LMAN2L: variants seen among roughly 807,000 people sequenced by gnomAD.
LMAN2L encodes the protein VIP36-like protein.
A neutral mutation model predicts 44.3 loss-of-function variants in LMAN2L; 30 were observed. That is an observed-to-expected ratio of 0.68 (90% CI 0.51 to 0.92). The LOEUF is 0.92. Ranked by LOEUF, LMAN2L falls within the 40% of genes least tolerant of loss-of-function variation. The probability of loss-of-function intolerance (pLI) is 0.00; values close to 1 mark genes in which losing one functional copy is unlikely to be tolerated. For missense variants in LMAN2L, 429 were observed against 446.1 expected (o/e 0.96, Z 0.35); for synonymous variants, 183 against 171.1 (o/e 1.07, Z -0.54).
intron 4 of LMAN2L, among the ~76,000 whole-genome samples, chr2:96,726,163 TTAA>T (rs553105774): frequency 1.5e-4 from 22 of 151,076 alleles, no homozygotes; most frequent in East Asian, 7.7e-4. Context: ...ATAAACCTTT[TTAA>T]TAATATTTTA....
At position 96,711,733 on chromosome 2, in the gene LMAN2L, T is replaced by C; in HGVS notation, c.707A>G (p.Asp236Gly). The C allele has an allele frequency of 6.2e-7, 1 of 1,614,012 alleles. No homozygotes were observed. The highest frequency in any genetic ancestry group is 1.7e-5 in the Admixed American group (1 of 60,012). Residue 236 changes from aspartate (D) to glycine (G), a missense_variant, in exon 6 of 8, where the codon GAC becomes GGC. Physicochemically the swap from Asp to Gly is moderately conservative, Grantham distance 94. Transcript: ENST00000264963. ...MDIDGKHEWRDCIEVPGVRLP... is the reference protein window; with the variant it reads ...MDIDGKHEWRGCIEVPGVRLP... ...GCGGACTCCGGGCACTTCAATGCAG[T>C]CCCTCCACTCATGCTTGCCATCAAT...
chr2:96,732,492 A>T (rs2078422634), intron 4 of LMAN2L, among the ~76,000 whole-genome samples: 1 of 151,652 alleles, frequency 6.6e-6, no homozygotes, highest in Non-Finnish European at 1.5e-5. Flanking sequence ...AAAAATACAA[A>T]AGTTAGCTGG....
Position 96,707,207 on chromosome 2 carries a change from T to C in LMAN2L, c.*49A>G. The C allele has an allele frequency of 6.3e-7, 1 of 1,595,100 alleles. No individual in the cohort carries two copies. The highest frequency in any genetic ancestry group is 1.3e-5 in the African/African-American group (1 of 74,576). ...GCATGCTCAGGCCAGTGCCTGCTCC[T>C]TCCATACCTCATGGGTGACAGTCAC... On this transcript the variant is annotated 3_prime_UTR_variant, in exon 8 of 8. Coordinates refer to ENST00000264963, the MANE Select transcript of LMAN2L (RefSeq NM_030805.4).
At chr2:96,733,694 C>A in intron 3 of LMAN2L, 93 bp from the exon 4 acceptor site, 1 of 977,602 alleles carries the variant, frequency 1.0e-6, no homozygotes, top group Non-Finnish European at 1.6e-6. Context: ...AAGTAAAATT[C>A]AAATGACTCC....
intron 4 of LMAN2L, among the ~76,000 whole-genome samples, chr2:96,721,363 T>G (rs1327030969): frequency 6.8e-6 from 1 of 145,988 alleles, no homozygotes; most frequent in Non-Finnish European, 1.5e-5. Context: ...GACAGGGTCT[T>G]GCTATGTCAC....
At chr2:96,718,795 AAGC>A (rs2078093336) in intron 4 of LMAN2L, among the ~76,000 whole-genome samples, 1 of 152,144 alleles carries the variant, frequency 6.6e-6, no homozygotes, top group African/African-American at 2.4e-5. Flanking sequence ...CTTGCTCTGT[AAGC>A]CCCCAGACTC....
At chr2:96,738,224 C>T (rs2078557292) in intron 1 of LMAN2L, among the ~76,000 whole-genome samples, 157 bp from the exon 2 acceptor site, 2 of 152,218 alleles carry the variant, frequency 1.3e-5, no homozygotes, top group Non-Finnish European at 2.9e-5. Flanking sequence ...ACCATCTCTA[C>T]AGCTTTCACA....
intron 2 of LMAN2L, among the ~76,000 whole-genome samples, chr2:96,735,121 C>A (rs1181965084): frequency 6.6e-6 from 1 of 152,194 alleles, no homozygotes; most frequent in Non-Finnish European, 1.5e-5. Context: ...TTACAGTCCC[C>A]AAACCCTCCC....
intron 4 of LMAN2L, among the ~76,000 whole-genome samples, chr2:96,729,860 A>G (rs560889618): frequency 9.2e-4 from 140 of 152,284 alleles, no homozygotes; most frequent in African/African-American, 3.0e-3. Flanking sequence ...AGGGTTCTCA[A>G]CCTCGGCTAT....
In LMAN2L at chr2:96,737,950, A is replaced by G. The variant is rs760991471; in HGVS notation, c.305T>C (p.Val102Ala). Reference protein sequence around the residue: ...QSKQGALWNRVPCFLRDWELQ... With the variant: ...QSKQGALWNRAPCFLRDWELQ... ...CACAGGAGGGAGAAAGATTCTTACC[A>G]CCCGGTTCCACAAGGCACCCTGTTT... Residue 102 changes from valine to alanine, a missense_variant and splice_region_variant, in exon 2 of 8, where the codon GTG becomes GCG. Val to Ala is a moderately conservative substitution (Grantham distance 64, BLOSUM62 0). Transcript: ENST00000264963. The G allele has an allele frequency of 6.2e-7, 1 of 1,603,350 alleles. No homozygotes were observed. Among genetic ancestry groups the G allele is most frequent in the Non-Finnish European group, 8.5e-7 (1 of 1,170,316 alleles).
chr2:96,719,785 G>C (rs955551892), intron 4 of LMAN2L, among the ~76,000 whole-genome samples: 23 of 152,094 alleles, frequency 1.5e-4, no homozygotes, highest in African/African-American at 5.6e-4. Flanking sequence ...TTAGAGACAG[G>C]GTTTCACCAT....
chr2:96,733,630 T>C (rs1219247737), intron 3 of LMAN2L, 29 bp from the exon 4 acceptor site: 18 of 1,556,130 alleles, frequency 1.2e-5, no homozygotes, highest in Non-Finnish European at 1.4e-5. Context: ...TGATGAACAA[T>C]GAAATAAAGC....
chr2:96,709,227 T>TA (rs1364342036), intron 6 of LMAN2L, among the ~76,000 whole-genome samples: 1 of 152,228 alleles, frequency 6.6e-6, no homozygotes, highest in East Asian at 1.9e-4. Flanking sequence ...GGCCTGAAGT[T>TA]AGATTCTTAT....
At chr2:96,710,937 T>A (rs1303396371) in intron 6 of LMAN2L, among the ~76,000 whole-genome samples, 1 of 152,126 alleles carries the variant, frequency 6.6e-6, no homozygotes. Context: ...AGAGAGTAAG[T>A]GTATAAACGA....
At chr2:96,735,753 G>C (rs1045461044) in intron 2 of LMAN2L, among the ~76,000 whole-genome samples, 5 of 151,934 alleles carry the variant, frequency 3.3e-5, no homozygotes, top group African/African-American at 1.2e-4. Context: ...CAGGAGAATG[G>C]CGTGAACCCA....
chr2:96,724,919 C>A (rs2078236186), intron 4 of LMAN2L, among the ~76,000 whole-genome samples: 1 of 152,138 alleles, frequency 6.6e-6, no homozygotes, highest in African/African-American at 2.4e-5. Context: ...GCAAGCTCCG[C>A]TTCCCGGGTT....
intron 4 of LMAN2L, among the ~76,000 whole-genome samples, chr2:96,712,488 C>T (rs1191656279): frequency 2.0e-5 from 3 of 152,252 alleles, no homozygotes; most frequent in Non-Finnish European, 4.4e-5. Context: ...GTTCTGCACA[C>T]AGCGGGTATT....
chr2:96,735,794 T>C (rs1328600931), intron 2 of LMAN2L, among the ~76,000 whole-genome samples: 1 of 149,950 alleles, frequency 6.7e-6, no homozygotes, highest in African/African-American at 2.5e-5. Context: ...GCTGAGATCA[T>C]GCCACTACAC....
At chr2:96,718,202 C>T (rs978737529) in intron 4 of LMAN2L, among the ~76,000 whole-genome samples, 2 of 152,152 alleles carry the variant, frequency 1.3e-5, no homozygotes, top group Non-Finnish European at 2.9e-5. Context: ...GTGATCCACC[C>T]GCCTTGGCTT....
Sources: allele counts gnomAD v4.1 joint callset (sites outside exome capture counted in the v4.1 genomes callset), GRCh38; gene constraint gnomAD v4.1.1; transcripts MANE v1.5; gene names NCBI Gene and HGNC (gene_info 2026-07-23, HGNC 2026-07-21).